Variants in PPP1R12B observed in about 807,000 individuals in gnomAD.
PPP1R12B encodes protein phosphatase 1 regulatory subunit 12B.
PPP1R12B carries 76 observed loss-of-function variants against 126.1 expected under a neutral mutation model. That is an observed-to-expected ratio of 0.60 (90% CI 0.50 to 0.73). The LOEUF is 0.73. PPP1R12B is among the 30% of genes least tolerant of loss of function. The pLI is 0.00. For missense variants in PPP1R12B, 1,052 were observed against 1,205.1 expected (o/e 0.87, Z 1.88); for synonymous variants, 356 against 434.7 (o/e 0.82, Z 2.25).
chr1:202,376,783 C>T (rs1661246744), intron 1 of PPP1R12B, among the ~76,000 whole-genome samples: 1 of 151,960 alleles, frequency 6.6e-6, no homozygotes, highest in Non-Finnish European at 1.5e-5. Flanking sequence ...GTGCACTAAC[C>T]AGAGTTCATC....
At chr1:202,356,770 AC>A (rs1187142146) in intron 1 of PPP1R12B, among the ~76,000 whole-genome samples, 2 of 151,764 alleles carry the variant, frequency 1.3e-5, no homozygotes, top group Non-Finnish European at 2.9e-5. Context: ...CACATAAGGA[AC>A]CAGCCCTGCC....
chr1:202,378,807 T>C (rs1558151506), intron 1 of PPP1R12B, among the ~76,000 whole-genome samples: 1 of 152,192 alleles, frequency 6.6e-6, no homozygotes, highest in Non-Finnish European at 1.5e-5. Context: ...TTTTGGAGCA[T>C]TTTATAACGT....
chr1:202,388,078 T>G (rs962856335), intron 1 of PPP1R12B, among the ~76,000 whole-genome samples: 31 of 147,286 alleles, frequency 2.1e-4, no homozygotes, highest in Non-Finnish European at 3.9e-4. Context: ...GGTATACATT[T>G]AAGAATGTAA....
At chr1:202,416,579 C>T (rs1190628591) in intron 1 of PPP1R12B, among the ~76,000 whole-genome samples, 1 of 147,940 alleles carries the variant, frequency 6.8e-6, no homozygotes, top group Admixed American at 6.7e-5. Context: ...AACTGTGTTT[C>T]ACAGTTTAGA....
At chr1:202,409,544 TCTC>T (rs1369605833) in intron 1 of PPP1R12B, among the ~76,000 whole-genome samples, 1 of 152,072 alleles carries the variant, frequency 6.6e-6, no homozygotes, top group Non-Finnish European at 1.5e-5. Context: ...ATGGTCTCAA[TCTC>T]CTGATCTCGT....
intron 1 of PPP1R12B, among the ~76,000 whole-genome samples, chr1:202,389,153 T>A (rs2148515420): frequency 6.6e-6 from 1 of 152,090 alleles, no homozygotes; most frequent in African/African-American, 2.4e-5. Flanking sequence ...TAGAAGGAAA[T>A]ATAGGTGAAT....
chr1:202,386,083 G>A lies in PPP1R12B; in HGVS notation c.292-30704G>A, dbSNP rs184102339. 1.6e-3 allele frequency among the ~76,000 whole-genome samples: 242 copies of A among 151,650 alleles called. 1 individual carries two copies. Among genetic ancestry groups the A allele is most frequent in the African/African-American group, 5.7e-3 (234 of 41,348 alleles). ...CTAGTAGCTGGGACTACAGGCGCCC[G>A]CCACCATGCCCGGCTAATTTTTTGT... On this transcript the variant is annotated intron_variant, in intron 1 of 23. Transcript: ENST00000608999.
intron 15 of PPP1R12B, among the ~76,000 whole-genome samples, chr1:202,494,586 A>G (rs1347442626): frequency 6.7e-6 from 1 of 150,298 alleles, no homozygotes; most frequent in Non-Finnish European, 1.5e-5. Context: ...CAGGTTTAAA[A>G]AAAAAAAAAA....
rs372485079 is a variant in PPP1R12B, at chr1:202,442,588, G to T, written c.1667+16G>T. The T allele has an allele frequency of 1.7e-5, 27 of 1,600,804 alleles. No homozygotes were observed. The highest frequency in any genetic ancestry group is 1.7e-4 in the Middle Eastern group (1 of 6,010). ...ACTTGAAAAGGTACCAGGCTCAAAG[G>T]GGGTGGGAGATGTTTCTTTCACTCT... On this transcript the variant is annotated intron_variant, in intron 12 of 23. Transcript: ENST00000608999.
intron 14 of PPP1R12B, among the ~76,000 whole-genome samples, chr1:202,492,410 ACTTCCTTCTT>A (rs1678993602): frequency 6.6e-6 from 1 of 152,160 alleles, no homozygotes; most frequent in Admixed American, 6.6e-5. Context: ...CAGCTTTGGA[ACTTCCTTCTT>A]CTGAGGACTC....
intron 12 of PPP1R12B, chr1:202,448,157 T>A (rs556922429): frequency 6.6e-6 from 1 of 152,376 alleles, no homozygotes; most frequent in Admixed American, 6.5e-5. Flanking sequence ...CATTGCTTTC[T>A]CCATCTCTGT....
chr1:202,431,722 C>T (rs571746820), intron 8 of PPP1R12B, 103 bp downstream of exon 8: 1 of 1,136,340 alleles, frequency 8.8e-7, no homozygotes, highest in African/African-American at 1.6e-5. Context: ...CCAAAAAGAG[C>T]TTGAAGTTTA....
intron 1 of PPP1R12B, among the ~76,000 whole-genome samples, chr1:202,380,086 A>G (rs1661990007): frequency 6.6e-6 from 1 of 151,902 alleles, no homozygotes; most frequent in Non-Finnish European, 1.5e-5. Flanking sequence ...GTTATTTGCC[A>G]TCTCCTGAGC....
At chr1:202,401,906 GGTA>G (rs1665901372) in intron 1 of PPP1R12B, among the ~76,000 whole-genome samples, 1 of 151,906 alleles carries the variant, frequency 6.6e-6, no homozygotes, top group African/African-American at 2.4e-5. Flanking sequence ...TTGAAAGCAA[GGTA>G]ACACACACTC....
In PPP1R12B at chr1:202,427,011, A is replaced by G. The variant is rs370347837; in HGVS notation, c.702-29A>G. The G allele has an allele frequency of 4.4e-6, 7 of 1,604,414 alleles. No individual in the cohort carries two copies. In the East Asian group the frequency reaches 8.9e-5, roughly 20 times the overall value. On this transcript the variant is annotated intron_variant, in intron 4 of 23. Transcript: ENST00000608999. ...CAGAAAATTGTAATATACAGAAGAT[A>G]TATGTCTTGTTTTGGGTTTTCTTTT... is the stretch of plus-strand genomic sequence containing the variant.
At chr1:202,440,586 T>C in intron 10 of PPP1R12B, 120 bp from the exon 11 acceptor site, 1 of 648,334 alleles carries the variant, frequency 1.5e-6, no homozygotes, top group Non-Finnish European at 2.6e-6. Flanking sequence ...AAAATAGAAT[T>C]AGTGTTGGAT....
intron 23 of PPP1R12B, among the ~76,000 whole-genome samples, chr1:202,569,778 A>G (rs989526375): frequency 6.6e-6 from 1 of 152,172 alleles, no homozygotes; most frequent in Non-Finnish European, 1.5e-5. Flanking sequence ...CACCAGATAC[A>G]CTTCACAGCT....
intron 18 of PPP1R12B, among the ~76,000 whole-genome samples, chr1:202,537,269 G>A (rs1318830244): frequency 5.9e-5 from 9 of 152,046 alleles, no homozygotes; most frequent in Admixed American, 4.6e-4. Context: ...CAGGAGAATG[G>A]CGTGAACCCG....
At chr1:202,537,409 T>A (rs1684659501) in intron 18 of PPP1R12B, among the ~76,000 whole-genome samples, 2 of 152,066 alleles carry the variant, frequency 1.3e-5, no homozygotes, top group Non-Finnish European at 2.9e-5. Context: ...TCAGTTCCAT[T>A]ATAGTCTTAT....
Sources: allele counts gnomAD v4.1 joint callset (sites outside exome capture counted in the v4.1 genomes callset), GRCh38; gene constraint gnomAD v4.1.1; transcripts MANE v1.5; gene names NCBI Gene and HGNC (gene_info 2026-07-23, HGNC 2026-07-21).